The following SOCS7 variants were observed in gnomAD, a reference collection of about 807,000 sequenced individuals.
SOCS7 encodes suppressor of cytokine signaling 7, also known as NAP-4.
A neutral mutation model predicts 58.9 loss-of-function variants in SOCS7; 18 were observed. The observed-to-expected ratio is 0.31, with a 90% CI of 0.21 to 0.45. The LOEUF (loss-of-function observed/expected upper bound fraction) is 0.45, where lower values mean the gene tolerates loss of function less well. SOCS7 is among the 20% of genes least tolerant of loss of function. The pLI, the probability that SOCS7 is intolerant of heterozygous loss-of-function variation, is 1.00. For synonymous variants in SOCS7, 388 were observed against 364.3 expected (o/e 1.06, Z -0.74); for missense variants, 667 against 837.3 (o/e 0.80, Z 2.51).
chr17:38,379,236 T>C (rs1188797394), intron 7 of SOCS7, among the ~76,000 whole-genome samples: 3 of 151,346 alleles, frequency 2.0e-5, no homozygotes, highest in Admixed American at 2.0e-4. Context: ...TCCAGCACTT[T>C]GGGAGGCTGA....
chr17:38,385,738 A>C (rs2038060513), intron 7 of SOCS7, among the ~76,000 whole-genome samples: 1 of 151,810 alleles, frequency 6.6e-6, no homozygotes, highest in South Asian at 2.1e-4. Flanking sequence ...TTTTTCTTTC[A>C]TTTCCTTACG....
chr17:38,392,839 C>G (rs2038188882), intron 7 of SOCS7, among the ~76,000 whole-genome samples: 1 of 152,172 alleles, frequency 6.6e-6, no homozygotes, highest in Non-Finnish European at 1.5e-5. Context: ...TATGGCAGAG[C>G]TACCGATAAT....
intron 6 of SOCS7, among the ~76,000 whole-genome samples, chr17:38,377,501 C>G (rs1379185538): frequency 1.3e-5 from 2 of 152,128 alleles, no homozygotes; most frequent in African/African-American, 2.4e-5. Context: ...TAACAAAAAC[C>G]TTGTAAGACC....
At chr17:38,358,568 T>C (rs1230596558) in intron 1 of SOCS7, among the ~76,000 whole-genome samples, 2 of 151,900 alleles carry the variant, frequency 1.3e-5, no homozygotes, top group Non-Finnish European at 2.9e-5. Context: ...TGTATTAGTA[T>C]CTTGCTTTGT....
intron 7 of SOCS7, among the ~76,000 whole-genome samples, chr17:38,378,417 G>A (rs2037959048): frequency 6.6e-6 from 1 of 152,132 alleles, no homozygotes; most frequent in Non-Finnish European, 1.5e-5. Context: ...GGGAGGCTGA[G>A]GTGGGAGGAT....
At chr17:38,378,090 G>A (rs567432123) in intron 7 of SOCS7, among the ~76,000 whole-genome samples, 3 of 152,144 alleles carry the variant, frequency 2.0e-5, no homozygotes, top group Non-Finnish European at 4.4e-5. Context: ...CTGATGTCCA[G>A]GCATCATGTG....
intron 4 of SOCS7, 23 bp downstream of exon 4, chr17:38,365,432 A>C: frequency 6.6e-7 from 1 of 1,522,250 alleles, no homozygotes; most frequent in Non-Finnish European, 9.0e-7. Flanking sequence ...TAGAGGCAAG[A>C]CTTGTAAGAG....
chr17:38,377,867 TTTAAC>T (rs1478392432), intron 7 of SOCS7, 25 bp downstream of exon 7: 10 of 1,604,040 alleles, frequency 6.2e-6, no homozygotes, highest in African/African-American at 1.3e-5. Flanking sequence ...CTGTTAATTA[TTTAAC>T]TTAAGTTGGG....
chr17:38,390,696 T>C (rs1480070382), intron 7 of SOCS7, among the ~76,000 whole-genome samples: 4 of 125,606 alleles, frequency 3.2e-5, no homozygotes, highest in South Asian at 2.6e-4. Flanking sequence ...TCCTTCCTTC[T>C]CTTTCTTTCT....
At position 38,387,082 on chromosome 17, in the gene SOCS7, T is replaced by TA. The variant is rs1214323571; in HGVS notation, c.1682-8206dup. On this transcript the variant is annotated intron_variant, in intron 7 of 9. Transcript: ENST00000612932. ...GGGCGACAGAGCGAGACTCTTATCT[T>TA]AAAAAAAAAAAAAAAAAAAAATATA... Among the ~76,000 whole-genome samples the TA allele has an allele frequency of 3.6e-3, 175 of 48,658 alleles. 1 individual carries two copies. The highest frequency in any genetic ancestry group is 4.4e-3 in the Non-Finnish European group (141 of 32,022). The allele number at this position is 48,658 out of a possible 152,430, so 31.9% of individuals were successfully genotyped here.
rs1051333298 is a variant in SOCS7 at position 38,384,368 on chromosome 17, A to G, written c.1681+6526A>G. Among the ~76,000 whole-genome samples, 22 of 152,194 alleles carry G rather than the reference A, an allele frequency of 1.4e-4. 1 individual carries two copies. Among genetic ancestry groups the G allele is most frequent in the Admixed American group, 1.2e-3 (19 of 15,270 alleles). ...ACTCAGGCTGGAGTACAGTAGTGCAATCATGCCTTGACCTCCCAGGCTCAA... is the reference window on the plus strand; with the variant it reads ...ACTCAGGCTGGAGTACAGTAGTGCAGTCATGCCTTGACCTCCCAGGCTCAA... On this transcript the variant is annotated intron_variant, in intron 7 of 9. Coordinates refer to ENST00000612932, the MANE Select transcript of SOCS7 (RefSeq NM_014598.4).
chr17:38,373,707 T>C (rs1234201839), intron 6 of SOCS7, among the ~76,000 whole-genome samples: 2 of 152,240 alleles, frequency 1.3e-5, no homozygotes, highest in African/African-American at 4.8e-5. Flanking sequence ...TATTGGTCAA[T>C]GCCCCTGGCC....
At chr17:38,397,141 G>A (rs1364179749) in intron 9 of SOCS7, among the ~76,000 whole-genome samples, 1 of 152,188 alleles carries the variant, frequency 6.6e-6, no homozygotes, top group Non-Finnish European at 1.5e-5. Flanking sequence ...CATCATATGG[G>A]AATAAATGGC....
intron 7 of SOCS7, among the ~76,000 whole-genome samples, chr17:38,387,308 G>A (rs1019390462): frequency 0.15 from 21,565 of 144,040 alleles, 2,003 homozygotes; most frequent in South Asian, 0.26. Context: ...ATAGCCGGGC[G>A]TGGTGGTGGG....
chr17:38,388,208 TA>T (rs747871914), intron 7 of SOCS7, among the ~76,000 whole-genome samples: 23 of 152,244 alleles, frequency 1.5e-4, no homozygotes, highest in African/African-American at 2.2e-4. Flanking sequence ...TGCTTTTATC[TA>T]ACAGCTTTAT....
chr17:38,383,161 GCT>G (rs1470453274), intron 7 of SOCS7, among the ~76,000 whole-genome samples: 1 of 152,160 alleles, frequency 6.6e-6, no homozygotes, highest in Non-Finnish European at 1.5e-5. Context: ...CCAGTTACTA[GCT>G]CTGTGATCTT....
At chr17:38,388,726 C>T (rs2038113333) in intron 7 of SOCS7, among the ~76,000 whole-genome samples, 1 of 152,180 alleles carries the variant, frequency 6.6e-6, no homozygotes, top group Non-Finnish European at 1.5e-5. Context: ...CTGTTTGGTA[C>T]ATTTCACATA....
chr17:38,377,661 C>T (rs1426357123), intron 6 of SOCS7, 53 bp from the exon 7 acceptor site: 36 of 1,550,554 alleles, frequency 2.3e-5, no homozygotes, highest in African/African-American at 4.1e-5. Flanking sequence ...ACCAGCCTCT[C>T]ATGTCTTCTG....
At chr17:38,396,965 G>T (rs2038252528) in intron 9 of SOCS7, among the ~76,000 whole-genome samples, 1 of 152,232 alleles carries the variant, frequency 6.6e-6, no homozygotes, top group African/African-American at 2.4e-5. Flanking sequence ...TGAGATTAGG[G>T]TGAGAGGTAG....
Sources: allele counts gnomAD v4.1 joint callset (sites outside exome capture counted in the v4.1 genomes callset), GRCh38; gene constraint gnomAD v4.1.1; transcripts MANE v1.5; gene names NCBI Gene and HGNC (gene_info 2026-07-23, HGNC 2026-07-21).